PINX1: variants seen among roughly 807,000 people sequenced by gnomAD.
The protein encoded by PINX1 is PIN2/TERF1-interacting telomerase inhibitor 1.
In PINX1, 34 loss-of-function variants were observed where a neutral mutation model predicts 25.4. The ratio of observed to expected loss-of-function variants is 1.34; its 90% CI spans 1.02 to 1.78. PINX1 has a LOEUF of 1.78. Among genes scored for constraint, PINX1 ranks in the 40% most tolerant of loss-of-function variants. PINX1 has a pLI of 0.00. For synonymous variants in PINX1, 197 were observed against 147.7 expected, an observed-to-expected ratio of 1.33 and a Z score of -2.42; for missense variants, 592 against 404.9, an observed-to-expected ratio of 1.46 and a Z score of -3.97.
At chr8:10,801,851 A>G (rs138728445) in intron 6 of PINX1, among the ~76,000 whole-genome samples, 17 of 152,204 alleles carry the variant, frequency 1.1e-4, no homozygotes, top group Non-Finnish European at 1.8e-4. Context: ...AAGATAAAGG[A>G]ACCTCCATCG....
chr8:10,768,547 G>C (rs1563199307), intron 6 of PINX1, among the ~76,000 whole-genome samples: 1 of 152,206 alleles, frequency 6.6e-6, no homozygotes, highest in Admixed American at 6.5e-5. Context: ...AGGGCATGGA[G>C]ACAGGCTAGA....
chr8:10,777,501 G>A (rs527461495), intron 6 of PINX1, among the ~76,000 whole-genome samples: 1 of 152,310 alleles, frequency 6.6e-6, no homozygotes, highest in Admixed American at 6.5e-5. Context: ...ACTTTCCAGA[G>A]CAGACAGCAC....
chr8:10,812,445 C>A (rs1316863080), intron 6 of PINX1, among the ~76,000 whole-genome samples: 1 of 152,288 alleles, frequency 6.6e-6, no homozygotes, highest in South Asian at 2.1e-4. Context: ...GGGACTCTTG[C>A]CTGGTACCAG....
At chr8:10,813,186 G>C (rs1023603225) in intron 6 of PINX1, among the ~76,000 whole-genome samples, 9 of 152,126 alleles carry the variant, frequency 5.9e-5, no homozygotes, top group Non-Finnish European at 1.3e-4. Context: ...CTAACTACAA[G>C]GTTCTTAATT....
At chr8:10,827,610 A>C (rs1487079088) in intron 4 of PINX1, among the ~76,000 whole-genome samples, 3 of 152,000 alleles carry the variant, frequency 2.0e-5, no homozygotes, top group Non-Finnish European at 4.4e-5. Context: ...AGGTTAGAGA[A>C]ACTGGAAAAA....
chr8:10,826,697 C>G (rs1212860574), intron 4 of PINX1, among the ~76,000 whole-genome samples: 1 of 152,234 alleles, frequency 6.6e-6, no homozygotes, highest in Non-Finnish European at 1.5e-5. Context: ...GCTGCCACCG[C>G]AATGGCCAAA....
In PINX1 at chr8:10,831,681, A is replaced by G. The variant is rs540320381; in HGVS notation, c.285T>C (p.His95=). 246 of 1,601,346 alleles carry G rather than the reference A, an allele frequency of 1.5e-4. 3 individuals carry two copies. The South Asian group carries it at 2.6e-3, about 17-fold the overall frequency. Residue 95 remains histidine, a synonymous_variant, in exon 4 of 7, where the codon CAT becomes CAC. Transcript: ENST00000314787. ...TTTCCCTACCTGTGGTTTCCTGCCCATGGCAAGTGTTCAGTTCGGCCAGAA... is the reference window on the plus strand; with the variant it reads ...TTTCCCTACCTGTGGTTTCCTGCCCGTGGCAAGTGTTCAGTTCGGCCAGAA... The part of the protein sequence containing the change: ...NQLLAELNTC[H]GQETTDSSDK...
chr8:10,812,712 T>C (rs1797566746), intron 6 of PINX1, among the ~76,000 whole-genome samples: 1 of 152,180 alleles, frequency 6.6e-6, no homozygotes, highest in South Asian at 2.1e-4. Context: ...ATGACACCCA[T>C]GACACCCAGG....
At chr8:10,834,612 A>G in intron 2 of PINX1, 54 bp downstream of exon 2, 1 of 1,584,766 alleles carries the variant, frequency 6.3e-7, no homozygotes, top group African/African-American at 1.4e-5. Flanking sequence ...GTTTTCCCCT[A>G]ATTTCTAATC....
chr8:10,824,114 T>A (rs1353881827), intron 5 of PINX1, among the ~76,000 whole-genome samples: 1 of 152,212 alleles, frequency 6.6e-6, no homozygotes, highest in Non-Finnish European at 1.5e-5. Context: ...ATGGGTCATT[T>A]CTAATAAATC....
At chr8:10,830,417 T>A (rs1798193271) in intron 4 of PINX1, among the ~76,000 whole-genome samples, 1 of 152,192 alleles carries the variant, frequency 6.6e-6, no homozygotes, top group Non-Finnish European at 1.5e-5. Flanking sequence ...GCTAGCTACC[T>A]CCAAGCAGGA....
At position 10,815,126 on chromosome 8, in the gene PINX1, G is replaced by C. The variant is rs556102675; in HGVS notation, c.471+5067C>G. On this transcript the variant is annotated intron_variant, in intron 6 of 6. Transcript: ENST00000314787. The stretch of plus-strand genomic sequence containing the variant: ...TGGCTAATTTTTTAAATTTTTGGTA[G>C]AGACGATGTCTCACTATGTTGCCCA... 2.0e-5 allele frequency among the ~76,000 whole-genome samples: 3 copies of C among 152,242 alleles called. No individual in the cohort carries two copies. The East Asian group carries it at 5.8e-4, about 29-fold the overall frequency.
At chr8:10,783,882 T>G (rs1477731083) in intron 6 of PINX1, among the ~76,000 whole-genome samples, 1 of 152,204 alleles carries the variant, frequency 6.6e-6, no homozygotes, top group Admixed American at 6.5e-5. Context: ...AGCCTGATCC[T>G]AACATTTTAA....
At chr8:10,807,286 T>C (rs1052079088) in intron 6 of PINX1, among the ~76,000 whole-genome samples, 1 of 139,880 alleles carries the variant, frequency 7.1e-6, no homozygotes, top group Non-Finnish European at 1.5e-5. Flanking sequence ...TACCTTATAA[T>C]AAGAAGGTTG....
intron 4 of PINX1, among the ~76,000 whole-genome samples, chr8:10,828,024 TCAA>T (rs1454394676): frequency 6.6e-6 from 1 of 151,992 alleles, no homozygotes; most frequent in African/African-American, 2.4e-5. Flanking sequence ...ACGTGTCCAT[TCAA>T]CAACATGTGA....
At chr8:10,832,119 T>C (rs542144415) in intron 3 of PINX1, among the ~76,000 whole-genome samples, 3 of 151,508 alleles carry the variant, frequency 2.0e-5, no homozygotes, top group South Asian at 2.1e-4. Context: ...ACAAGAACCA[T>C]GCGGGACAAA....
intron 5 of PINX1, chr8:10,825,537 A>G (rs947323873): frequency 6.9e-5 from 35 of 510,860 alleles, no homozygotes; most frequent in African/African-American, 5.9e-4. Flanking sequence ...CAACAACCGC[A>G]TGCACAAATG....
intron 4 of PINX1, among the ~76,000 whole-genome samples, chr8:10,827,961 A>G (rs995844579): frequency 3.3e-5 from 5 of 151,964 alleles, no homozygotes; most frequent in Admixed American, 3.3e-4. Flanking sequence ...CAGAGGATAT[A>G]AGAGAAATTG....
At chr8:10,831,251 G>C (rs1450384516) in intron 4 of PINX1, among the ~76,000 whole-genome samples, 2 of 152,204 alleles carry the variant, frequency 1.3e-5, no homozygotes, top group African/African-American at 4.8e-5. Context: ...CATAAAAGTA[G>C]ACAGCAGAAT....
Sources: gnomAD v4.1 joint callset for allele counts (sites outside exome capture counted in the v4.1 genomes callset) on GRCh38, gnomAD v4.1.1 for gene constraint, MANE v1.5 for transcripts, NCBI Gene and HGNC (gene_info 2026-07-23, HGNC 2026-07-21) for gene names.